The following DEF8 variants were observed in gnomAD, a reference collection of about 807,000 sequenced individuals.
DEF8 encodes the protein DEF-8.
A neutral mutation model predicts 59.1 loss-of-function variants in DEF8; 38 were observed. The observed-to-expected ratio is 0.64, with a 90% confidence interval of 0.50 to 0.84. The LOEUF is 0.84. Among genes scored for constraint, DEF8 ranks in the 40% least tolerant of loss-of-function variants. DEF8 has a pLI of 0.00. For synonymous variants in DEF8, 265 were observed against 250.1 expected (o/e 1.06, Z -0.56); for missense variants, 557 against 615.2 (o/e 0.91, Z 1.00).
chr16:89,958,877 G>A, intron 5 of DEF8, 137 bp from the exon 6 acceptor site: 1 of 1,489,370 alleles, frequency 6.7e-7, no homozygotes, highest in Non-Finnish European at 8.9e-7. Flanking sequence ...GGGAGAAAAG[G>A]GACATGGCAT....
At chr16:89,958,103 C>G (rs2033508818) in intron 5 of DEF8, 1 of 161,834 alleles carries the variant, frequency 6.2e-6, no homozygotes, top group African/African-American at 2.4e-5. Flanking sequence ...GCTGCCTTTT[C>G]ACAGTGGTTA....
Position 89,948,825 on chromosome 16 carries a change from C to A in DEF8, c.-108+11C>A. 4.2e-6 allele frequency: 4 copies of A among 962,024 alleles called. No individual in the cohort carries two copies. The highest frequency in any genetic ancestry group is 4.8e-5 in the South Asian group (1 of 20,954). The allele number at this position is 962,024 out of a possible 1,614,324, so 59.6% of individuals were successfully genotyped here. On this transcript the variant is annotated intron_variant, in intron 1 of 12. Transcript: ENST00000563594. ...CGAGGCGGCGGTCAGGTGAGCGGCG[C>A]GGGGCCGGCGGGGTCGGGGCCGGCG...
At position 89,957,615 on chromosome 16, in the gene DEF8, C is replaced by A. The variant is rs138165651; in HGVS notation, c.327C>A (p.Ala109=). The A allele has an allele frequency of 2.5e-6, 4 of 1,578,742 alleles. No individual in the cohort carries two copies. In the South Asian group the frequency reaches 3.5e-5, roughly 14 times the overall value. ...AGCAGTCGGAGAAGCAGAAGGATGC[C>A]GTGGTGCGACTCATCCACCTCCGGC... ...LPEQSEKQKD[A]VVRLIHLRLK... Residue 109 remains alanine, a synonymous_variant, in exon 5 of 13, where the codon GCC becomes GCA. Transcript: ENST00000563594.
Position 89,965,939 on chromosome 16 carries a change from G to T in DEF8, c.1332G>T (p.Glu444Asp). ...TGAGGAAGCAGTCGCTCTTCCAGGA[G>T]CCAGGTCCCGATGTGGAGGCCTAGC... ...LSLRKQSLFQ[E>D]PGPDVEA The change falls in exon 13 of 13, where the codon GAG (glutamate) becomes GAT (aspartate). Residue 444 changes from glutamate (E) to aspartate (D), a missense_variant. Coordinates refer to ENST00000563594, the MANE Select transcript of DEF8 (RefSeq NM_001242818.2). The T allele has an allele frequency of 6.2e-7, 1 of 1,613,482 alleles. No homozygotes were observed. The highest frequency in any genetic ancestry group is 1.1e-5 in the South Asian group (1 of 91,020).
Position 89,966,078 on chromosome 16 carries a change from C to CG in DEF8, c.*115_*116insG. On this transcript the variant is annotated 3_prime_UTR_variant, in exon 13 of 13. Coordinates refer to ENST00000563594, the MANE Select transcript of DEF8 (RefSeq NM_001242818.2). Reference sequence around the variant, plus strand: ...GGGTGCGGCCCTGGCCCCCTCCACCCCTGCTGGGCCAGAGCGGGTGGGCAG... The same window carrying CG: ...GGGTGCGGCCCTGGCCCCCTCCACCCGCTGCTGGGCCAGAGCGGGTGGGCAG... 2 of 747,408 alleles carry CG rather than the reference C, an allele frequency of 2.7e-6. No homozygotes were observed. The highest frequency in any genetic ancestry group is 4.3e-6 in the Non-Finnish European group (2 of 461,204). 46.3% of individuals were successfully genotyped at this position (747,408 alleles called of 1,614,324 possible). A position where few individuals can be genotyped will look rare whatever the true frequency, so the allele number is the denominator to read the frequency against.
In DEF8 at chr16:89,965,940, C is replaced by A. The variant is rs2034575581; in HGVS notation, c.1333C>A (p.Pro445Thr). 6.2e-7 allele frequency: 1 copy of A among 1,613,286 alleles called. No individual in the cohort carries two copies. The highest frequency in any genetic ancestry group is 1.1e-5 in the South Asian group (1 of 91,024). Residue 445 changes from proline to threonine, a missense_variant, in exon 13 of 13, where the codon CCA becomes ACA. Coordinates refer to ENST00000563594, the MANE Select transcript of DEF8 (RefSeq NM_001242818.2). Reference protein sequence around the residue: ...SLRKQSLFQEPGPDVEA With the variant: ...SLRKQSLFQETGPDVEA ...GAGGAAGCAGTCGCTCTTCCAGGAGCCAGGTCCCGATGTGGAGGCCTAGCG... is the reference window on the plus strand; with the variant it reads ...GAGGAAGCAGTCGCTCTTCCAGGAGACAGGTCCCGATGTGGAGGCCTAGCG...
chr16:89,955,313 A>G, intron 4 of DEF8, 47 bp downstream of exon 4: 2 of 1,527,052 alleles, frequency 1.3e-6, no homozygotes, highest in Non-Finnish European at 9.1e-7. Flanking sequence ...GGAACCCCCA[A>G]GGCAGGAAGG....
chr16:89,962,162 C>T, intron 9 of DEF8, 37 bp downstream of exon 9: 1 of 1,578,042 alleles, frequency 6.3e-7, no homozygotes, highest in Non-Finnish European at 8.7e-7. Context: ...GGCGGGGGCG[C>T]TGTGTCAGGT....
At chr16:89,951,981 T>C (rs11859970) in intron 2 of DEF8, among the ~76,000 whole-genome samples, 24,354 of 151,974 alleles carry the variant, frequency 0.16, 2,260 homozygotes, top group South Asian at 0.25. Flanking sequence ...GGGTTCACGC[T>C]ATTCTGCTGC....
At position 89,964,265 on chromosome 16, in the gene DEF8, C is replaced by T. The variant is rs749548545; in HGVS notation, c.1098C>T (p.Thr366=). 6 of 1,608,610 alleles carry T rather than the reference C, an allele frequency of 3.7e-6. No homozygotes were observed. Among genetic ancestry groups the T allele is most frequent in the South Asian group, 3.3e-5 (3 of 90,722 alleles). The part of the protein sequence containing the change: ...VHAGRLGCSL[T]EIHTLFAKHI... ...CCGGCCGCCTGGGCTGCTCGCTCACCGAGATCCACACGCTCTTCGCCAAGC... is the reference window on the plus strand; with the variant it reads ...CCGGCCGCCTGGGCTGCTCGCTCACTGAGATCCACACGCTCTTCGCCAAGC... Residue 366 remains threonine, a synonymous_variant, in exon 11 of 13, where the codon ACC becomes ACT. Transcript: ENST00000563594.
At position 89,966,015 on chromosome 16, in the gene DEF8, C is replaced by A; in HGVS notation, c.*52C>A. ...GCCTGGCCCGCCAGGACCCACCCTGCCAACATCAAGTTGTTCCTTCTGCTC... is the reference window on the plus strand; with the variant it reads ...GCCTGGCCCGCCAGGACCCACCCTGACAACATCAAGTTGTTCCTTCTGCTC... On this transcript the variant is annotated 3_prime_UTR_variant, in exon 13 of 13. Transcript: ENST00000563594. The A allele has an allele frequency of 1.4e-6, 2 of 1,413,564 alleles. No individual in the cohort carries two copies. Among genetic ancestry groups the A allele is most frequent in the Non-Finnish European group, 2.0e-6 (2 of 1,010,572 alleles). The allele number at this position is 1,413,564 out of a possible 1,614,324, so 87.6% of individuals were successfully genotyped here.
At chr16:89,965,774 GGAT>G (rs2034558658) in intron 12 of DEF8, 84 bp from the exon 13 acceptor site, 5 of 802,908 alleles carry the variant, frequency 6.2e-6, no homozygotes, top group African/African-American at 1.7e-5. Context: ...GCTGTAGAGG[GGAT>G]GATAGGAGCT....
At chr16:89,964,687 C>T (rs1381408021) in intron 12 of DEF8, 112 bp downstream of exon 12, 11 of 741,058 alleles carry the variant, frequency 1.5e-5, no homozygotes, top group Admixed American at 2.5e-5. Context: ...ACTGCTCCCC[C>T]GAGAAAGGGG....
chr16:89,964,007 C>T, intron 10 of DEF8, 163 bp from the exon 11 acceptor site: 1 of 940,026 alleles, frequency 1.1e-6, no homozygotes, highest in East Asian at 2.5e-5. Flanking sequence ...CCATCTTCCC[C>T]TGTCGGCTTC....
chr16:89,967,396 G>A lies in DEF8; in HGVS notation c.*1433G>A. ...GGCAGGGTCTCCTCTTTGTCCTCCG[G>A]CATCAGGAAGGGGATGGTGTCCACT... On this transcript the variant is annotated 3_prime_UTR_variant, in exon 13 of 13. Transcript: ENST00000563594. The A allele has an allele frequency of 7.5e-6, 3 of 398,632 alleles. No homozygotes were observed. Among genetic ancestry groups the A allele is most frequent in the Non-Finnish European group, 1.3e-5 (3 of 226,082 alleles). 24.7% of individuals were successfully genotyped at this position (398,632 alleles called of 1,614,324 possible). A position where few individuals can be genotyped will look rare whatever the true frequency, so the allele number is the denominator to read the frequency against.
intron 9 of DEF8, among the ~76,000 whole-genome samples, chr16:89,962,610 C>T (rs530027363): frequency 3.3e-5 from 5 of 152,060 alleles, no homozygotes; most frequent in East Asian, 3.8e-4. Flanking sequence ...GAGCCGAGAT[C>T]GCGTCACTGC....
intron 9 of DEF8, among the ~76,000 whole-genome samples, chr16:89,962,671 A>G (rs1862218200): frequency 1.3e-5 from 2 of 152,264 alleles, no homozygotes; most frequent in Non-Finnish European, 2.9e-5. Flanking sequence ...AAAAGTAAAA[A>G]GAAACAAGTG....
chr16:89,964,421 T>G (rs1161818994), intron 11 of DEF8, 45 bp from the exon 12 acceptor site: 8 of 1,553,768 alleles, frequency 5.1e-6, no homozygotes. Flanking sequence ...CCAGAGGAGC[T>G]GGCACTGACG....
At chr16:89,949,782 G>T in intron 2 of DEF8, 1 of 830,474 alleles carries the variant, frequency 1.2e-6, no homozygotes, top group Non-Finnish European at 1.8e-6. Context: ...AGGGGCAGGG[G>T]GTGGCCAGAC....
Sources: gnomAD v4.1 joint callset for allele counts (sites outside exome capture counted in the v4.1 genomes callset) on GRCh38, gnomAD v4.1.1 for gene constraint, MANE v1.5 for transcripts, NCBI Gene and HGNC (gene_info 2026-07-23, HGNC 2026-07-21) for gene names.